Variants in JPH1 observed in about 807,000 individuals in gnomAD.
JPH1 encodes the protein junctophilin 1, also known as junctophilin-1.
Under a neutral mutation model 53.6 loss-of-function variants are expected in JPH1, and 12 were observed. The ratio of observed to expected loss-of-function variants is 0.22; its 90% confidence interval spans 0.14 to 0.36. The LOEUF (loss-of-function observed/expected upper bound fraction) is 0.36. Ranked by LOEUF, JPH1 falls within the 10% of genes least tolerant of loss-of-function variation. The probability of loss-of-function intolerance (pLI) is 1.00; values close to 1 mark genes in which losing one functional copy is unlikely to be tolerated. For synonymous variants in JPH1, 375 were observed against 363.8 expected, an observed-to-expected ratio of 1.03 and a Z score of -0.35; for missense variants, 808 against 905.5, an observed-to-expected ratio of 0.89 and a Z score of 1.38.
In JPH1 at chr8:74,315,272, G is replaced by A. The variant is rs1488551652; in HGVS notation, c.728C>T (p.Ala243Val). 3 of 1,614,130 alleles carry A rather than the reference G, an allele frequency of 1.9e-6. No individual in the cohort carries two copies. Among genetic ancestry groups the A allele is most frequent in the East Asian group, 2.2e-5 (1 of 44,874 alleles). The change falls in exon 2 of 6, where the codon GCG becomes GTG. Residue 243 changes from alanine to valine, a missense_variant. Ala to Val is a moderately conservative substitution (Grantham distance 64). Coordinates refer to ENST00000342232, the MANE Select transcript of JPH1 (RefSeq NM_020647.4). The surrounding 1 kb of genome is among the most constrained non-coding windows in gnomAD (Gnocchi z 6.3). ...GCTGGAACTAATTCTGCTCATGGCC[G>A]CGTCGCTGCGGACAGAGCTGCGCTT... ...SSKRSSVRSD[A>V]AMSRISSSDA...
intron 3 of JPH1, among the ~76,000 whole-genome samples, chr8:74,256,560 T>C (rs575096590): frequency 2.7e-5 from 4 of 148,754 alleles, no homozygotes; most frequent in Non-Finnish European, 5.9e-5. Flanking sequence ...CTCAAACAAA[T>C]TTACAAGAAA....
intron 2 of JPH1, among the ~76,000 whole-genome samples, chr8:74,260,744 G>A (rs1035933740): frequency 6.6e-6 from 1 of 152,104 alleles, no homozygotes; most frequent in Non-Finnish European, 1.5e-5. Context: ...AGACAAGGGG[G>A]TCTACTGGTA....
At chr8:74,285,729 T>C (rs1293606629) in intron 2 of JPH1, among the ~76,000 whole-genome samples, 1 of 152,254 alleles carries the variant, frequency 6.6e-6, no homozygotes, top group Non-Finnish European at 1.5e-5. Flanking sequence ...ATATGCAACA[T>C]GTTGCTTTTC....
rs1025361155 is a variant in JPH1, at chr8:74,234,799, G to C, written c.*2252C>G. ...AGAATTATAAATAAAGGAACTCACA[G>C]GTAGGGAGTTCTTTTTCACAGCAAG... On this transcript the variant is annotated 3_prime_UTR_variant, in exon 6 of 6. Coordinates refer to ENST00000342232, the MANE Select transcript of JPH1 (RefSeq NM_020647.4). The C allele has an allele frequency of 6.6e-6, 1 of 152,564 alleles. No homozygotes were observed. Among genetic ancestry groups the C allele is most frequent in the African/African-American group, 2.4e-5 (1 of 41,402 alleles). The allele number at this position is 152,564 out of a possible 1,614,324, so 9.5% of individuals were successfully genotyped here.
chr8:74,269,396 A>G (rs1239459613), intron 2 of JPH1, among the ~76,000 whole-genome samples: 1 of 152,232 alleles, frequency 6.6e-6, no homozygotes, highest in Non-Finnish European at 1.5e-5. Context: ...TATTCACTTC[A>G]TGTTTCCTTG....
intron 4 of JPH1, among the ~76,000 whole-genome samples, chr8:74,242,034 T>C (rs1231577091): frequency 2.6e-5 from 4 of 152,156 alleles, no homozygotes; most frequent in Non-Finnish European, 5.9e-5. Flanking sequence ...TACGCAACCA[T>C]TGCCCACAGG....
rs534684162 is a variant in JPH1 at position 74,234,785 on chromosome 8, T to C, written c.*2266A>G. ...ACATTTTGGTTTCAAGAATTATAAA[T>C]AAAGGAACTCACAGGTAGGGAGTTC... On this transcript the variant is annotated 3_prime_UTR_variant, in exon 6 of 6. Transcript: ENST00000342232. 6.5e-6 allele frequency: 1 copy of C among 152,748 alleles called. No individual in the cohort carries two copies. Among genetic ancestry groups the C allele is most frequent in the East Asian group, 1.9e-4 (1 of 5,192 alleles). 9.5% of individuals were successfully genotyped at this position (152,748 alleles called of 1,614,324 possible).
intron 3 of JPH1, among the ~76,000 whole-genome samples, chr8:74,247,599 G>A (rs1805894088): frequency 1.3e-5 from 2 of 151,998 alleles, no homozygotes; most frequent in South Asian, 2.1e-4. Flanking sequence ...AACATTTTTC[G>A]TTATGCATTC....
chr8:74,312,263 T>G (rs1254105505), intron 2 of JPH1, among the ~76,000 whole-genome samples: 1 of 152,196 alleles, frequency 6.6e-6, no homozygotes. Context: ...CTTTTTTTGT[T>G]TTTTTTGAGA....
intron 3 of JPH1, 131 bp downstream of exon 3, chr8:74,259,254 C>T: frequency 1.5e-6 from 1 of 647,182 alleles, no homozygotes; most frequent in Non-Finnish European, 2.7e-6. Flanking sequence ...ACCGCAGGCG[C>T]CCTTGCTTGT....
intron 2 of JPH1, among the ~76,000 whole-genome samples, chr8:74,292,458 T>G (rs992849728): frequency 5.3e-5 from 8 of 152,202 alleles, no homozygotes; most frequent in African/African-American, 1.9e-4. Flanking sequence ...GGTCACTGAC[T>G]TCTAGCTCCC....
rs761329818 is a variant in JPH1 at position 74,314,996 on chromosome 8, A to G, written c.1004T>C (p.Ile335Thr). 1 of 1,614,170 alleles carries G rather than the reference A, an allele frequency of 6.2e-7. No homozygotes were observed. ...CTGCTTCCTTATCCCACGGACCAGA[A>G]TATTATTTTTGTATTTTCCCTCTTC... ...SKEEGKYKNN[I>T]LVRGIRKQLI... The change falls in exon 2 of 6, where the codon ATT (isoleucine) becomes ACT (threonine). Residue 335 changes from isoleucine to threonine, a missense_variant. Physicochemically the swap from Ile to Thr is moderately conservative, Grantham distance 89. Transcript: ENST00000342232.
rs181597911 is a variant in JPH1, at chr8:74,273,465, A to C, written c.1140-13962T>G. Among the ~76,000 whole-genome samples the C allele has an allele frequency of 1.2e-3, 182 of 152,310 alleles. 1 individual carries two copies. Among genetic ancestry groups the C allele is most frequent in the African/African-American group, 4.2e-3 (175 of 41,576 alleles). ...AATCAACAACAACGACGACAAACCCAACCACACAAAAAACTTCGGGAATGA... is the reference window on the plus strand; with the variant it reads ...AATCAACAACAACGACGACAAACCCCACCACACAAAAAACTTCGGGAATGA... On this transcript the variant is annotated intron_variant, in intron 2 of 5. Coordinates refer to ENST00000342232, the MANE Select transcript of JPH1 (RefSeq NM_020647.4).
At chr8:74,283,476 T>C (rs1301753454) in intron 2 of JPH1, among the ~76,000 whole-genome samples, 1 of 151,926 alleles carries the variant, frequency 6.6e-6, no homozygotes, top group Non-Finnish European at 1.5e-5. Context: ...AGCCAGAAAC[T>C]GAGGGCTGTG....
intron 2 of JPH1, among the ~76,000 whole-genome samples, chr8:74,269,264 C>T (rs142752286): frequency 6.7e-4 from 102 of 152,278 alleles, no homozygotes; most frequent in African/African-American, 2.3e-3. Flanking sequence ...AAAACCATTG[C>T]GCATCTTAAG....
At chr8:74,238,993 C>T (rs891826279) in intron 4 of JPH1, among the ~76,000 whole-genome samples, 1 of 152,036 alleles carries the variant, frequency 6.6e-6, no homozygotes, top group African/African-American at 2.4e-5. Flanking sequence ...GATTAAATCA[C>T]TGAATTAAAT....
chr8:74,283,929 G>GC (rs5892446), intron 2 of JPH1, among the ~76,000 whole-genome samples: 152,372 of 152,372 alleles, frequency 1, 76,186 homozygotes, highest in Non-Finnish European at 1. Context: ...ACAGTGGCAA[G>GC]TAGCGCTTGG....
intron 4 of JPH1, among the ~76,000 whole-genome samples, chr8:74,243,390 A>T (rs1208830577): frequency 6.6e-6 from 1 of 152,248 alleles, no homozygotes; most frequent in Non-Finnish European, 1.5e-5. Context: ...TGAATAATTT[A>T]TGTTTAGCTA....
At chr8:74,251,661 C>G (rs1159461896) in intron 3 of JPH1, among the ~76,000 whole-genome samples, 1 of 152,122 alleles carries the variant, frequency 6.6e-6, no homozygotes, top group Non-Finnish European at 1.5e-5. Flanking sequence ...ATATAATCTA[C>G]TAGCAACCTT....
Sources: allele counts gnomAD v4.1 joint callset (sites outside exome capture counted in the v4.1 genomes callset), GRCh38; gene constraint gnomAD v4.1.1; non-coding constraint Gnocchi (gnomAD v3.1); transcripts MANE v1.5; gene names NCBI Gene and HGNC (gene_info 2026-07-23, HGNC 2026-07-21).